The following CNOT6 variants were observed in gnomAD, a reference collection of about 807,000 sequenced individuals.
The protein encoded by CNOT6 is carbon catabolite repression 4 protein.
Under a neutral mutation model 61.2 loss-of-function variants are expected in CNOT6, and 12 were observed. The ratio of observed to expected loss-of-function variants is 0.20; its 90% CI spans 0.13 to 0.32. The LOEUF (loss-of-function observed/expected upper bound fraction) is 0.32, where lower values mean the gene tolerates loss of function less well. Among genes scored for constraint, CNOT6 ranks in the 10% least tolerant of loss-of-function variants. CNOT6 has a pLI of 1.00. For synonymous variants in CNOT6, 225 were observed against 240.6 expected (o/e 0.94, Z 0.60); for missense variants, 405 against 663.9 (o/e 0.61, Z 4.28).
At chr5:180,533,311 CCTATATATATATAT>C (rs978405316) in intron 2 of CNOT6, among the ~76,000 whole-genome samples, 6 of 65,226 alleles carry the variant, frequency 9.2e-5, no homozygotes, top group South Asian at 4.4e-4. Flanking sequence ...TGGATGAAAA[CCTATATATATATAT>C]ATATATATAT....
At chr5:180,508,328 A>G (rs1252421149) in intron 1 of CNOT6, among the ~76,000 whole-genome samples, 4 of 152,114 alleles carry the variant, frequency 2.6e-5, no homozygotes, top group Non-Finnish European at 5.9e-5. Flanking sequence ...TTTTTTTAGT[A>G]TGAGACGGAG....
chr5:180,514,080 G>A (rs899738411), intron 1 of CNOT6, among the ~76,000 whole-genome samples: 6 of 151,782 alleles, frequency 4.0e-5, no homozygotes, highest in East Asian at 3.9e-4. Flanking sequence ...CTCCTGCCTC[G>A]GCCTCCAAAT....
chr5:180,512,156 C>T (rs1011357033), intron 1 of CNOT6, among the ~76,000 whole-genome samples: 2 of 152,162 alleles, frequency 1.3e-5, no homozygotes, highest in Non-Finnish European at 2.9e-5. Context: ...GAATACTCAG[C>T]AAAACTTCAT....
At chr5:180,550,591 ATAAAT>A (rs1169527427) in intron 3 of CNOT6, among the ~76,000 whole-genome samples, 3 of 152,240 alleles carry the variant, frequency 2.0e-5, no homozygotes, top group Admixed American at 6.5e-5. Context: ...TCAGCTAATA[ATAAAT>A]TAAGTAGATC....
At chr5:180,512,364 A>T (rs1757434443) in intron 1 of CNOT6, among the ~76,000 whole-genome samples, 1 of 152,194 alleles carries the variant, frequency 6.6e-6, no homozygotes. Flanking sequence ...AGTGGAGCGT[A>T]TCTGAAGGAT....
At position 180,575,006 on chromosome 5, in the gene CNOT6, AC is replaced by A. The variant is rs1760943270; in HGVS notation, c.*807del. The A allele has an allele frequency of 6.6e-6, 1 of 152,662 alleles. No homozygotes were observed. The highest frequency in any genetic ancestry group is 1.5e-5 in the Non-Finnish European group (1 of 68,048). 9.5% of individuals were successfully genotyped at this position (152,662 alleles called of 1,614,324 possible). Reference sequence around the variant, plus strand: ...AGTGATGATCTGTAGACATTTATGGACTGAATGTAATGGTTGATATATGTAC... The same window carrying A: ...AGTGATGATCTGTAGACATTTATGGATGAATGTAATGGTTGATATATGTAC... On this transcript the variant is annotated 3_prime_UTR_variant, in exon 12 of 12. Coordinates refer to ENST00000261951, the MANE Select transcript of CNOT6 (RefSeq NM_001370472.1).
rs13360589 is a variant in CNOT6, at chr5:180,508,972, A to G, written c.-3+14209A>G. Among the ~76,000 whole-genome samples the G allele has an allele frequency of 5.3e-3, 803 of 151,666 alleles. 4 individuals are homozygous for G. Among genetic ancestry groups the G allele is most frequent in the African/African-American group, 0.018 (759 of 41,348 alleles). On this transcript the variant is annotated intron_variant, in intron 1 of 11. Coordinates refer to ENST00000261951, the MANE Select transcript of CNOT6 (RefSeq NM_001370472.1). ...CGAGTAGCTGAGACTATAGGCAAGT[A>G]CCACCATGCTCAGCTAATTTTTGTA...
Position 180,565,941 on chromosome 5 carries a change from A to T in CNOT6, c.681A>T (p.Glu227Asp), listed in dbSNP as rs1327024080. 1 of 1,613,884 alleles carries T rather than the reference A, an allele frequency of 6.2e-7. No homozygotes were observed. The highest frequency in any genetic ancestry group is 2.2e-5 in the East Asian group (1 of 44,894). Residue 227 changes from glutamate (E) to aspartate (D), a missense_variant, in exon 7 of 12, where the codon GAA becomes GAT. Transcript: ENST00000261951. ...WDYRKKAIIQ[E>D]ILSCNADIVS... ...ACAGGAAAAAGGCCATTATTCAAGA[A>T]ATCTTGAGCTGCAATGCTGATATCG...
intron 2 of CNOT6, among the ~76,000 whole-genome samples, chr5:180,538,070 G>C (rs1248034022): frequency 4.8e-5 from 6 of 124,212 alleles, no homozygotes; most frequent in African/African-American, 1.9e-4. Context: ...ACGGAGTCTC[G>C]CTCTGTTGCT....
intron 11 of CNOT6, among the ~76,000 whole-genome samples, chr5:180,573,552 A>AGTGTGTGTGTGTGTGTGT (rs755954581): frequency 2.5e-5 from 3 of 119,266 alleles, no homozygotes; most frequent in African/African-American, 6.4e-5. Flanking sequence ...GGAGGGGGGC[A>AGTGTGTGTGTGTGTGTGT]GTGTGTGTGT....
chr5:180,538,753 G>A (rs1758860157), intron 2 of CNOT6, among the ~76,000 whole-genome samples: 1 of 149,466 alleles, frequency 6.7e-6, no homozygotes, highest in African/African-American at 2.5e-5. Context: ...GTGCAACTGT[G>A]GTCCCAGCTA....
chr5:180,520,135 A>G (rs903506631), intron 1 of CNOT6, among the ~76,000 whole-genome samples: 1 of 152,134 alleles, frequency 6.6e-6, no homozygotes, highest in African/African-American at 2.4e-5. Context: ...CATCCAGCCT[A>G]TCCATATACT....
chr5:180,542,890 AT>A (rs2127736442), intron 2 of CNOT6, among the ~76,000 whole-genome samples: 1 of 152,224 alleles, frequency 6.6e-6, no homozygotes, highest in East Asian at 1.9e-4. Context: ...TAGATATGAG[AT>A]TATCAAAAGG....
intron 1 of CNOT6, among the ~76,000 whole-genome samples, chr5:180,503,687 C>T (rs1367109158): frequency 1.4e-5 from 2 of 143,474 alleles, no homozygotes; most frequent in Non-Finnish European, 3.0e-5. Flanking sequence ...CTTACTGTGA[C>T]CTCTGCATCC....
intron 1 of CNOT6, among the ~76,000 whole-genome samples, chr5:180,511,119 T>G (rs748157958): frequency 2.6e-5 from 4 of 152,190 alleles, no homozygotes; most frequent in Non-Finnish European, 4.4e-5. Context: ...AGGTTTTTTT[T>G]GGCATATGTT....
intron 1 of CNOT6, among the ~76,000 whole-genome samples, chr5:180,498,909 C>T (rs1195246322): frequency 2.0e-5 from 3 of 152,222 alleles, no homozygotes; most frequent in Admixed American, 1.3e-4. Context: ...CCTGCTTCAG[C>T]CTCCCGAGTA....
chr5:180,564,601 G>T lies in CNOT6; in HGVS notation c.490+8G>T, dbSNP rs1315517410. The T allele has an allele frequency of 1.9e-6, 3 of 1,611,914 alleles. No individual in the cohort carries two copies. The East Asian group carries it at 6.7e-5, about 36-fold the overall frequency. ...CAGGTACTGCAAAAAGAAGTAAGTGGTTATTTGTTTAAACCTTTTTATTAG... is the reference window on the plus strand; with the variant it reads ...CAGGTACTGCAAAAAGAAGTAAGTGTTTATTTGTTTAAACCTTTTTATTAG... On this transcript the variant is annotated splice_region_variant and intron_variant, in intron 5 of 11. Coordinates refer to ENST00000261951, the MANE Select transcript of CNOT6 (RefSeq NM_001370472.1).
intron 1 of CNOT6, among the ~76,000 whole-genome samples, chr5:180,513,116 C>G (rs1757473103): frequency 6.6e-6 from 1 of 151,584 alleles, no homozygotes; most frequent in African/African-American, 2.4e-5. Flanking sequence ...CCAGGATGGT[C>G]TGGAACTCCT....
intron 4 of CNOT6, among the ~76,000 whole-genome samples, chr5:180,557,575 G>A (rs1301825144): frequency 6.6e-6 from 1 of 152,088 alleles, no homozygotes; most frequent in Non-Finnish European, 1.5e-5. Context: ...TAGATTATTT[G>A]CTTTTTTACT....
Sources: gnomAD v4.1 joint callset for allele counts (sites outside exome capture counted in the v4.1 genomes callset) on GRCh38, gnomAD v4.1.1 for gene constraint, MANE v1.5 for transcripts, NCBI Gene and HGNC (gene_info 2026-07-23, HGNC 2026-07-21) for gene names.